Variants in B3GALT1 observed in about 807,000 individuals in gnomAD.
The protein encoded by B3GALT1 is UDP-Gal:betaGlcNAc beta 1,3-galactosyltransferase, polypeptide 1.
Under a neutral mutation model 23.2 loss-of-function variants are expected in B3GALT1, and 10 were observed. The ratio of observed to expected loss-of-function variants is 0.43; its 90% confidence interval spans 0.27 to 0.73. B3GALT1 has a LOEUF of 0.73. Ranked by LOEUF, B3GALT1 falls within the 30% of genes least tolerant of loss-of-function variation. The probability of loss-of-function intolerance (pLI) is 0.21; values close to 1 mark genes in which losing one functional copy is unlikely to be tolerated. For synonymous variants in B3GALT1, 156 were observed against 141.5 expected (o/e 1.10, Z -0.73); for missense variants, 299 against 405.4 (o/e 0.74, Z 2.25).
chr2:167,847,611 C>A (rs1689789125), intron 4 of B3GALT1, among the ~76,000 whole-genome samples: 1 of 152,030 alleles, frequency 6.6e-6, no homozygotes, highest in African/African-American at 2.4e-5. Flanking sequence ...AAGTTCATAG[C>A]CCTAAACGCC....
At chr2:167,323,299 G>A (rs1296590409) in intron 1 of B3GALT1, among the ~76,000 whole-genome samples, 1 of 151,986 alleles carries the variant, frequency 6.6e-6, no homozygotes, top group Admixed American at 6.6e-5. Flanking sequence ...TTCATTTTAG[G>A]TGATATCCTA....
intron 2 of B3GALT1, among the ~76,000 whole-genome samples, chr2:167,631,226 C>G (rs1685435807): frequency 6.6e-6 from 1 of 151,796 alleles, no homozygotes; most frequent in African/African-American, 2.4e-5. Flanking sequence ...GCATCATGTT[C>G]TGAAACCAAT....
intron 1 of B3GALT1, among the ~76,000 whole-genome samples, chr2:167,300,504 TAAAG>T (rs920131519): frequency 2.6e-5 from 4 of 152,200 alleles, no homozygotes; most frequent in Admixed American, 6.5e-5. Flanking sequence ...GATTTTAACA[TAAAG>T]AACGCATTAA....
intron 1 of B3GALT1, among the ~76,000 whole-genome samples, chr2:167,380,700 C>T (rs1697836510): frequency 6.6e-6 from 1 of 152,150 alleles, no homozygotes; most frequent in Non-Finnish European, 1.5e-5. Flanking sequence ...AGCCTCTCCC[C>T]AAGTTTGTTC....
At chr2:167,809,179 A>T (rs193066533) in intron 3 of B3GALT1, among the ~76,000 whole-genome samples, 5,033 of 152,186 alleles carry the variant, frequency 0.033, 122 homozygotes, top group South Asian at 0.068. Flanking sequence ...CTAGTTAGCC[A>T]TTCGTCTAAT....
chr2:167,512,771 G>GGAACACA (rs1412287233), intron 2 of B3GALT1, among the ~76,000 whole-genome samples: 2 of 146,840 alleles, frequency 1.4e-5, no homozygotes, highest in Non-Finnish European at 3.0e-5. Flanking sequence ...CAAATAGCTG[G>GGAACACA]GACCACAGAC....
At chr2:167,366,223 T>G (rs1389957109) in intron 1 of B3GALT1, among the ~76,000 whole-genome samples, 1 of 152,186 alleles carries the variant, frequency 6.6e-6, no homozygotes, top group Admixed American at 6.6e-5. Context: ...CAACTTAAAA[T>G]TATATAGAAA....
chr2:167,835,414 G>A lies in B3GALT1; in HGVS notation c.-230+16621G>A, dbSNP rs555172292. Among the ~76,000 whole-genome samples the A allele has an allele frequency of 5.6e-4, 86 of 152,312 alleles. 1 individual carries two copies. Among genetic ancestry groups the A allele is most frequent in the East Asian group, 3.1e-3 (16 of 5,178 alleles). ...CTGGCTTGGAGGGTCCTATGCCCAC[G>A]GAGTCTCGCTGATTGCTAGCACAGC... On this transcript the variant is annotated intron_variant, in intron 4 of 4. Coordinates refer to ENST00000392690, the MANE Select transcript of B3GALT1 (RefSeq NM_020981.4).
chr2:167,699,380 ATTTTTTTTTTTT>A (rs1169813738), intron 3 of B3GALT1, among the ~76,000 whole-genome samples: 2 of 100,192 alleles, frequency 2.0e-5, no homozygotes, highest in Non-Finnish European at 1.9e-5. Flanking sequence ...CATTATTTCT[ATTTTTTTTTTTT>A]TTTTTTTTTT....
At chr2:167,513,218 C>A (rs1487268168) in intron 2 of B3GALT1, among the ~76,000 whole-genome samples, 1 of 151,806 alleles carries the variant, frequency 6.6e-6, no homozygotes, top group Admixed American at 6.6e-5. Flanking sequence ...AAGTAAATAA[C>A]CTCACTTATT....
At chr2:167,598,628 T>TAAACTGG (rs1462955150) in intron 2 of B3GALT1, among the ~76,000 whole-genome samples, 3 of 152,066 alleles carry the variant, frequency 2.0e-5, no homozygotes, top group Non-Finnish European at 2.9e-5. Flanking sequence ...AGAACCGGAG[T>TAAACTGG]AAACTGGTTT....
At chr2:167,506,497 C>A (rs1371587249) in intron 2 of B3GALT1, among the ~76,000 whole-genome samples, 1 of 152,042 alleles carries the variant, frequency 6.6e-6, no homozygotes, top group African/African-American at 2.4e-5. Context: ...GTAGGAAACT[C>A]GATGAGCTGA....
At chr2:167,626,482 G>A (rs1004850119) in intron 2 of B3GALT1, among the ~76,000 whole-genome samples, 1 of 151,752 alleles carries the variant, frequency 6.6e-6, no homozygotes, top group Non-Finnish European at 1.5e-5. Flanking sequence ...TCTGGATAAC[G>A]TATTTTGAGG....
intron 1 of B3GALT1, among the ~76,000 whole-genome samples, chr2:167,470,300 T>C (rs919045830): frequency 6.6e-6 from 1 of 152,210 alleles, no homozygotes; most frequent in African/African-American, 2.4e-5. Flanking sequence ...ACTAAAAATC[T>C]GTTAACTCAT....
rs552756656 is a variant in B3GALT1 at position 167,428,000 on chromosome 2, T to A, written c.-510-62177T>A. Among the ~76,000 whole-genome samples the A allele has an allele frequency of 1.3e-4, 20 of 152,234 alleles. No individual in the cohort carries two copies. In the South Asian group the frequency reaches 4.1e-3, roughly 32 times the overall value. ...ATGCCCCATGCCTCTCCTAATGCAA[T>A]AAAGTGCAGAGTCTGCTACCTGCTA... On this transcript the variant is annotated intron_variant, in intron 1 of 4. Coordinates refer to ENST00000392690, the MANE Select transcript of B3GALT1 (RefSeq NM_020981.4).
Position 167,552,630 on chromosome 2 carries a change from T to C in B3GALT1, c.-410+62353T>C, listed in dbSNP as rs185277008. Among the ~76,000 whole-genome samples the C allele has an allele frequency of 1.2e-4, 19 of 152,298 alleles. No individual in the cohort carries two copies. In the East Asian group the frequency reaches 3.7e-3, roughly 29 times the overall value. On this transcript the variant is annotated intron_variant, in intron 2 of 4. Coordinates refer to ENST00000392690, the MANE Select transcript of B3GALT1 (RefSeq NM_020981.4). Reference sequence around the variant, plus strand: ...TTTTTTCTTACTGGGACCAATAATATAGAGTAAATAGTCTAACTGTAATCA... The same window carrying C: ...TTTTTTCTTACTGGGACCAATAATACAGAGTAAATAGTCTAACTGTAATCA...
intron 3 of B3GALT1, among the ~76,000 whole-genome samples, chr2:167,777,407 C>T (rs1688178695): frequency 6.6e-6 from 1 of 152,178 alleles, no homozygotes; most frequent in Non-Finnish European, 1.5e-5. Flanking sequence ...AGTGCAATGG[C>T]ACGATCTCGG....
chr2:167,839,340 C>CA (rs1689575763), intron 4 of B3GALT1, among the ~76,000 whole-genome samples: 1 of 152,038 alleles, frequency 6.6e-6, no homozygotes, highest in African/African-American at 2.4e-5. Context: ...TCTCAGGATA[C>CA]AAAATCAATG....
chr2:167,479,130 G>A (rs1699528751), intron 1 of B3GALT1, among the ~76,000 whole-genome samples: 1 of 151,974 alleles, frequency 6.6e-6, no homozygotes, highest in African/African-American at 2.4e-5. Flanking sequence ...TACTAGTTTT[G>A]GGACATGGAG....
Sources: gnomAD v4.1 joint callset for allele counts (sites outside exome capture counted in the v4.1 genomes callset) on GRCh38, gnomAD v4.1.1 for gene constraint, MANE v1.5 for transcripts, NCBI Gene and HGNC (gene_info 2026-07-23, HGNC 2026-07-21) for gene names.